Variants in PON2 observed in about 807,000 individuals in gnomAD.
PON2 encodes paraoxonase 2, also known as serum paraoxonase/arylesterase 2.
In PON2, 27 loss-of-function variants were observed where a neutral mutation model predicts 36.6. That is an observed-to-expected ratio of 0.74 (90% CI 0.54 to 1.02). PON2 has a LOEUF of 1.02. Among genes scored for constraint, PON2 ranks in the 50% least tolerant of loss-of-function variants. PON2 has a pLI of 0.00. For missense variants in PON2, 363 were observed against 421.1 expected (o/e 0.86, Z 1.21); for synonymous variants, 149 against 156.3 (o/e 0.95, Z 0.35).
intron 2 of PON2, among the ~76,000 whole-genome samples, chr7:95,417,690 GACACACACACAC>G (rs555142509): frequency 1.6e-4 from 15 of 93,802 alleles, no homozygotes; most frequent in East Asian, 3.0e-4. Flanking sequence ...TGTACACACA[GACACACACACAC>G]ACACACACAC....
At chr7:95,434,611 G>T (rs546958717) in intron 1 of PON2, among the ~76,000 whole-genome samples, 9 of 152,338 alleles carry the variant, frequency 5.9e-5, no homozygotes, top group African/African-American at 1.7e-4. Context: ...AAGCAGAAGA[G>T]AACTTTGTTA....
intron 1 of PON2, among the ~76,000 whole-genome samples, chr7:95,425,494 C>G (rs1180225775): frequency 6.6e-6 from 1 of 152,220 alleles, no homozygotes. Flanking sequence ...TTCACCTTCT[C>G]TGTTCTCTAG....
chr7:95,409,987 A>G lies in PON2; in HGVS notation c.609T>C (p.Asn203=), dbSNP rs1000112785. The G allele has an allele frequency of 1.2e-6, 2 of 1,613,850 alleles. No homozygotes were observed. The highest frequency in any genetic ancestry group is 2.2e-5 in the South Asian group (2 of 91,076). ...LETYLNLHWA[N]VVYYSPNEVK... ...CTTCATTTGGACTGTAGTAAACAAC[A>G]TTTGCCCAGTGTAAGTTCAAGTATG... Residue 203 remains asparagine, a synonymous_variant, in exon 6 of 9, where the codon AAT becomes AAC. Transcript: ENST00000222572.
chr7:95,434,803 T>C, intron 1 of PON2, 75 bp downstream of exon 1: 1 of 1,487,700 alleles, frequency 6.7e-7, no homozygotes. Flanking sequence ...TCCCCCAGCC[T>C]GCGCCCTCCC....
At chr7:95,415,261 C>T (rs1789034606) in intron 3 of PON2, 1 of 152,242 alleles carries the variant, frequency 6.6e-6, no homozygotes. Context: ...ACCTCCTCAT[C>T]TGTCCCCTTA....
chr7:95,417,684 CACACAG>C (rs1270408782), intron 2 of PON2, among the ~76,000 whole-genome samples: 2 of 137,520 alleles, frequency 1.5e-5, no homozygotes, highest in African/African-American at 5.9e-5. Flanking sequence ...TACACATGTA[CACACAG>C]ACACACACAC....
intron 7 of PON2, 85 bp from the exon 8 acceptor site, chr7:95,406,332 T>C (rs1809693659): frequency 1.3e-5 from 19 of 1,414,788 alleles, no homozygotes; most frequent in Middle Eastern, 3.8e-4. Context: ...CCTCTATGCA[T>C]GTGAGGAAAT....
At chr7:95,411,563 G>A in intron 5 of PON2, 90 bp downstream of exon 5, 11 of 1,481,034 alleles carry the variant, frequency 7.4e-6, no homozygotes, top group Non-Finnish European at 1.0e-5. Flanking sequence ...ATATACATTA[G>A]CGCTTATAAA....
intron 2 of PON2, among the ~76,000 whole-genome samples, chr7:95,423,020 A>G (rs1045839051): frequency 2.6e-5 from 4 of 152,188 alleles, no homozygotes; most frequent in African/African-American, 9.7e-5. Context: ...ACCATGAACC[A>G]TATCTAAGGA....
chr7:95,405,992 C>G, intron 8 of PON2, 127 bp downstream of exon 8: 4 of 1,130,452 alleles, frequency 3.5e-6, no homozygotes, highest in Non-Finnish European at 5.0e-6. Context: ...AATTACAAAA[C>G]CACGACATAA....
chr7:95,434,845 C>A, intron 1 of PON2, 33 bp downstream of exon 1: 1 of 1,534,252 alleles, frequency 6.5e-7, no homozygotes, highest in Non-Finnish European at 8.7e-7. Context: ...GCCTGGGGAC[C>A]GCCGAGGAGG....
intron 6 of PON2, among the ~76,000 whole-genome samples, chr7:95,407,458 T>C (rs1276150227): frequency 1.3e-5 from 2 of 152,180 alleles, no homozygotes; most frequent in African/African-American, 2.4e-5. Flanking sequence ...GTAAAGAACA[T>C]CTTATTAAAA....
intron 8 of PON2, 33 bp from the exon 9 acceptor site, chr7:95,405,521 C>A (rs1366004625): frequency 6.3e-7 from 1 of 1,584,416 alleles, no homozygotes; most frequent in East Asian, 2.2e-5. Context: ...GAATATAAGA[C>A]CACCGTACAT....
chr7:95,422,756 C>G (rs1030478693), intron 2 of PON2, among the ~76,000 whole-genome samples: 1 of 152,172 alleles, frequency 6.6e-6, no homozygotes, highest in African/African-American at 2.4e-5. Flanking sequence ...TCTCCTACCT[C>G]TAGAGAAGGA....
intron 1 of PON2, 131 bp downstream of exon 1, chr7:95,434,747 A>G (rs1032778390): frequency 3.9e-6 from 4 of 1,024,190 alleles, no homozygotes; most frequent in Non-Finnish European, 5.5e-6. Flanking sequence ...ACAGCATTCA[A>G]AAATTCTCCA....
Position 95,412,492 on chromosome 7 carries a change from GA to G in PON2, c.202-16del. On this transcript the variant is annotated splice_polypyrimidine_tract_variant and intron_variant, in intron 3 of 8. Transcript: ENST00000222572. The stretch of plus-strand genomic sequence containing the variant: ...AATTTTAGACCCTTTCCAAAACGGT[GA>G]AAAATGTTAAATACAAAAGCTTAAG... 6.2e-7 allele frequency: 1 copy of G among 1,612,386 alleles called. No homozygotes were observed. The highest frequency in any genetic ancestry group is 8.5e-7 in the Non-Finnish European group (1 of 1,178,538).
At chr7:95,424,129 A>G (rs1354846992) in intron 2 of PON2, 21 of 272,340 alleles carry the variant, frequency 7.7e-5, no homozygotes, top group African/African-American at 4.5e-4. Context: ...GTTATAGAGT[A>G]GTGAGCAGGG....
Position 95,409,920 on chromosome 7 carries a change from T to G in PON2, c.676A>C (p.Asn226His). The change falls in exon 6 of 9, where the codon AAT (asparagine) becomes CAT (histidine). Residue 226 changes from asparagine to histidine, a missense_variant. Asn to His is a moderately conservative substitution (Grantham distance 68). Coordinates refer to ENST00000222572, the MANE Select transcript of PON2 (RefSeq NM_000305.3). ...CCATACTTATCATCAGGTGAAATATTGATCCCATTTGCTGAATCAAATCCT... is the reference window on the plus strand; with the variant it reads ...CCATACTTATCATCAGGTGAAATATGGATCCCATTTGCTGAATCAAATCCT... ...AEGFDSANGINISPDDKYIYV... is the reference protein window; with the variant it reads ...AEGFDSANGIHISPDDKYIYV... The G allele has an allele frequency of 6.2e-7, 1 of 1,613,442 alleles. No individual in the cohort carries two copies. Among genetic ancestry groups the G allele is most frequent in the Non-Finnish European group, 8.5e-7 (1 of 1,179,768 alleles).
chr7:95,413,186 C>T (rs1006228888), intron 3 of PON2: 5 of 150,598 alleles, frequency 3.3e-5, no homozygotes, highest in African/African-American at 9.8e-5. Context: ...CCTAGCTGCT[C>T]GGAAGGCTGA....
Sources: gnomAD v4.1 joint callset for allele counts (sites outside exome capture counted in the v4.1 genomes callset) on GRCh38, gnomAD v4.1.1 for gene constraint, MANE v1.5 for transcripts, NCBI Gene and HGNC (gene_info 2026-07-23, HGNC 2026-07-21) for gene names.